Variants in FCAMR observed in about 807,000 individuals in gnomAD.
FCAMR encodes the protein Fc alpha and mu receptor.
Under a neutral mutation model 52.2 loss-of-function variants are expected in FCAMR, and 51 were observed. The ratio of observed to expected loss-of-function variants is 0.98; its 90% confidence interval spans 0.78 to 1.23. The LOEUF is 1.23. FCAMR is among the 50% of genes most tolerant of loss of function. The probability of loss-of-function intolerance (pLI) is 0.00; values close to 1 mark genes in which losing one functional copy is unlikely to be tolerated. For missense variants in FCAMR, 719 were observed against 712.6 expected (o/e 1.01, Z -0.10); for synonymous variants, 282 against 262.0 (o/e 1.08, Z -0.74).
In FCAMR at chr1:206,958,291, G is replaced by A. The variant is rs2102613198; in HGVS notation, c.*225C>T. On this transcript the variant is annotated 3_prime_UTR_variant, in exon 8 of 8. Transcript: ENST00000324852. Reference sequence around the variant, plus strand: ...GACCTCTTCCAGTGTTTCATACACTGTTCTTGAAGTCTCCTTTGAGTCATC... The same window carrying A: ...GACCTCTTCCAGTGTTTCATACACTATTCTTGAAGTCTCCTTTGAGTCATC... 1 of 539,512 alleles carries A rather than the reference G, an allele frequency of 1.9e-6. No homozygotes were observed. The highest frequency in any genetic ancestry group is 3.3e-6 in the Non-Finnish European group (1 of 305,354). 33.4% of individuals were successfully genotyped at this position (539,512 alleles called of 1,614,324 possible).
At position 206,958,769 on chromosome 1, in the gene FCAMR, C is replaced by T. The variant is rs762501685; in HGVS notation, c.1574-93G>A. The T allele has an allele frequency of 1.9e-6, 3 of 1,543,540 alleles. No homozygotes were observed. The African/African-American group carries it at 4.1e-5, about 21-fold the overall frequency. Reference sequence around the variant, plus strand: ...ACCACTCCCAACCACTGCAAGTTTTCAAGAACTTTCTGACACAGAAGCAAT... The same window carrying T: ...ACCACTCCCAACCACTGCAAGTTTTTAAGAACTTTCTGACACAGAAGCAAT... On this transcript the variant is annotated intron_variant, in intron 7 of 7. Transcript: ENST00000324852.
chr1:206,970,258 G>T lies in FCAMR; in HGVS notation c.-133C>A. ...GGTGGTATTTTGGAAAGCAGCTGGA[G>T]CTAGCAACGGAAGGTCGGGGTGCAA... On this transcript the variant is annotated 5_prime_UTR_variant, in exon 1 of 8. Transcript: ENST00000324852. The T allele has an allele frequency of 1.0e-6, 1 of 990,818 alleles. No homozygotes were observed. Among genetic ancestry groups the T allele is most frequent in the Non-Finnish European group, 1.5e-6 (1 of 660,728 alleles). The allele number at this position is 990,818 out of a possible 1,614,324, so 61.4% of individuals were successfully genotyped here.
chr1:206,960,650 G>A lies in FCAMR; in HGVS notation c.1226C>T (p.Thr409Ile). The A allele has an allele frequency of 1.3e-6, 2 of 1,551,942 alleles. No homozygotes were observed. The highest frequency in any genetic ancestry group is 1.2e-5 in the South Asian group (1 of 84,066). ...GGTCCACATGCCTGCAGCTGGAGTT[G>A]TTTCTCCAATGGAACCCTGAGATTG... is the stretch of plus-strand genomic sequence containing the variant. ...KQQSQGSIGE[T>I]TPAAGMWTLG... Residue 409 changes from threonine to isoleucine, a missense_variant, in exon 6 of 8, where the codon ACA (threonine) becomes ATA (isoleucine). Coordinates refer to ENST00000324852, the MANE Select transcript of FCAMR (RefSeq NM_001170631.2).
rs977980801 is a variant in FCAMR at position 206,960,760 on chromosome 1, G to A, written c.1116C>T (p.Val372=). Residue 372 remains valine (V), a synonymous_variant, in exon 6 of 8, where the codon GTC becomes GTT. Coordinates refer to ENST00000324852, the MANE Select transcript of FCAMR (RefSeq NM_001170631.2). ...GAGCTGGTGGCCCAATGGTTCCTAG[G>A]ACCTTTTTGGCTGCATCAAGAGCTA... ...VRIALDAAKK[V]LGTIGPPALV... 7.1e-6 allele frequency: 11 copies of A among 1,552,258 alleles called. No homozygotes were observed. Among genetic ancestry groups the A allele is most frequent in the African/African-American group, 1.4e-5 (1 of 73,040 alleles).
chr1:206,966,675 C>T (rs767306665), intron 3 of FCAMR, among the ~76,000 whole-genome samples: 6 of 152,150 alleles, frequency 3.9e-5, no homozygotes, highest in Non-Finnish European at 7.3e-5. Context: ...TGAGCCATCA[C>T]GTCCGACCTT....
At chr1:206,963,540 A>G (rs573368067) in intron 4 of FCAMR, among the ~76,000 whole-genome samples, 1 of 152,274 alleles carries the variant, frequency 6.6e-6, no homozygotes, top group East Asian at 1.9e-4. Flanking sequence ...AAACTTATAC[A>G]TCCAGTCCAG....
In FCAMR at chr1:206,958,546, C is replaced by A; in HGVS notation, c.1704G>T (p.Leu568=). The A allele has an allele frequency of 6.2e-7, 1 of 1,612,920 alleles. No homozygotes were observed. The highest frequency in any genetic ancestry group is 8.5e-7 in the Non-Finnish European group (1 of 1,179,852). The change falls in exon 8 of 8, where the codon CTG becomes CTT. Residue 568 remains leucine (L), a synonymous_variant. Coordinates refer to ENST00000324852, the MANE Select transcript of FCAMR (RefSeq NM_001170631.2). ...GTCCTGGATTTCTCTCTGGGGCAGT[C>A]AGGCTGGCCCCAGCAGGAAGAGAGT... The part of the protein sequence containing the change: ...QDDSLPAGAS[L]TAPERNPGP
rs775646044 is a variant in FCAMR, at chr1:206,967,582, C to G, written c.108+1G>C. The G allele has an allele frequency of 3.3e-5, 53 of 1,613,920 alleles. No individual in the cohort carries two copies. Among genetic ancestry groups the G allele is most frequent in the Admixed American group, 1.8e-4 (11 of 60,014 alleles). ...CAAGGGGTTGTTGTTACACAACTTA[C>G]GTGAGATTGTGGTAAAGTGCCAGCA... On this transcript the variant is annotated splice_donor_variant, in intron 2 of 7. Transcript: ENST00000324852. LOFTEE classifies it high-confidence loss of function.
Position 206,958,438 on chromosome 1 carries a change from G to A in FCAMR, c.*78C>T. 1 of 1,426,666 alleles carries A rather than the reference G, an allele frequency of 7.0e-7. No individual in the cohort carries two copies. The allele number at this position is 1,426,666 out of a possible 1,614,324, so 88.4% of individuals were successfully genotyped here. ...TTCCCACAGGTGGAGGAAGGATGAT[G>A]GAAAGAGGCTGGGGTCCTGAAGGCC... is the stretch of plus-strand genomic sequence containing the variant. On this transcript the variant is annotated 3_prime_UTR_variant, in exon 8 of 8. Transcript: ENST00000324852.
intron 6 of FCAMR, 32 bp downstream of exon 6, chr1:206,960,390 C>T: frequency 6.8e-7 from 1 of 1,462,920 alleles, no homozygotes; most frequent in Non-Finnish European, 9.0e-7. Flanking sequence ...AGATGTGGGG[C>T]CCCCCAACCG....
At chr1:206,967,889 A>C (rs2000056) in intron 1 of FCAMR, among the ~76,000 whole-genome samples, 1 of 152,128 alleles carries the variant, frequency 6.6e-6, no homozygotes, top group African/African-American at 2.4e-5. Context: ...CAGAGGGGAC[A>C]GCTTTGTATT....
In FCAMR at chr1:206,961,036, T is replaced by C; in HGVS notation, c.840A>G (p.Gly280=). 5 of 1,551,926 alleles carry C rather than the reference T, an allele frequency of 3.2e-6. No homozygotes were observed. Among genetic ancestry groups the C allele is most frequent in the Non-Finnish European group, 4.4e-6 (5 of 1,147,046 alleles). The part of the protein sequence containing the change: ...GTSKTTASAE[G]RRTPGATRPA... The stretch of plus-strand genomic sequence containing the variant: ...GCCTGGTTGCTCCTGGGGTTCGTCT[T>C]CCCTCAGCTGAAGCTGTAGTCTTGC... Residue 280 remains glycine (G), a synonymous_variant, in exon 6 of 8, where the codon GGA becomes GGG. Coordinates refer to ENST00000324852, the MANE Select transcript of FCAMR (RefSeq NM_001170631.2).
At chr1:206,967,251 A>G in intron 2 of FCAMR, 139 bp from the exon 3 acceptor site, 5 of 797,198 alleles carry the variant, frequency 6.3e-6, no homozygotes, top group Non-Finnish European at 8.3e-6. Flanking sequence ...TCTGAGAGTA[A>G]GACAAGCACT....
intron 3 of FCAMR, 69 bp downstream of exon 3, chr1:206,966,983 T>A: frequency 1.3e-6 from 2 of 1,548,674 alleles, no homozygotes; most frequent in Non-Finnish European, 1.8e-6. Flanking sequence ...TGTGAGGACC[T>A]TTAGGGCAGC....
chr1:206,961,056 T>C lies in FCAMR; in HGVS notation c.820A>G (p.Thr274Ala). ...CGTCTTCCCTCAGCTGAAGCTGTAG[T>C]CTTGCTGGTTCCTGGAGTGGAAGCA... ...TVASTPGTSK[T>A]TASAEGRRTP... The change falls in exon 6 of 8, where the codon ACT becomes GCT. Residue 274 changes from threonine (T) to alanine (A), a missense_variant. Transcript: ENST00000324852. 1 of 1,551,892 alleles carries C rather than the reference T, an allele frequency of 6.4e-7. No homozygotes were observed. Among genetic ancestry groups the C allele is most frequent in the Non-Finnish European group, 8.7e-7 (1 of 1,147,042 alleles).
Position 206,959,746 on chromosome 1 carries a change from G to A in FCAMR, c.1506C>T (p.Thr502=), listed in dbSNP as rs1174230066. 3.1e-6 allele frequency: 5 copies of A among 1,614,026 alleles called. No individual in the cohort carries two copies. The highest frequency in any genetic ancestry group is 3.4e-6 in the Non-Finnish European group (4 of 1,180,032). Residue 502 remains threonine (T), a synonymous_variant, in exon 7 of 8, where the codon ACC becomes ACT. Coordinates refer to ENST00000324852, the MANE Select transcript of FCAMR (RefSeq NM_001170631.2). ...CCATAAGCATAAACAGGGCCAGCAT[G>A]GTAGAGACAGGAGCCAGGGTCCGAG... ...SSSRTLAPVS[T]MLALFMLMAL...
intron 2 of FCAMR, among the ~76,000 whole-genome samples, chr1:206,967,339 G>C (rs1680754024): frequency 1.3e-5 from 2 of 152,140 alleles, no homozygotes; most frequent in African/African-American, 4.8e-5. Flanking sequence ...AGGCCAAAAT[G>C]TCCCTTACCC....
Position 206,958,332 on chromosome 1 carries a change from G to A in FCAMR, c.*184C>T, listed in dbSNP as rs531170263. ...TTGAGTCATCTTGTCACCTTTGGAC[G>A]TGGATAATGCTTGACTTTCTTGGGC... On this transcript the variant is annotated 3_prime_UTR_variant, in exon 8 of 8. Coordinates refer to ENST00000324852, the MANE Select transcript of FCAMR (RefSeq NM_001170631.2). 7 of 626,366 alleles carry A rather than the reference G, an allele frequency of 1.1e-5. No individual in the cohort carries two copies. Among genetic ancestry groups the A allele is most frequent in the East Asian group, 2.8e-5 (1 of 35,602 alleles). 38.8% of individuals were successfully genotyped at this position (626,366 alleles called of 1,614,324 possible).
Position 206,965,718 on chromosome 1 carries a change from C to T in FCAMR, c.310G>A (p.Ala104Thr). 1.3e-6 allele frequency: 2 copies of T among 1,568,260 alleles called. No individual in the cohort carries two copies. Among genetic ancestry groups the T allele is most frequent in the Non-Finnish European group, 1.7e-6 (2 of 1,163,344 alleles). Residue 104 changes from alanine to threonine, a missense_variant, in exon 4 of 8, where the codon GCA becomes ACA. By Grantham distance (58) the Ala-to-Thr change is moderately conservative. Transcript: ENST00000324852. Reference sequence around the variant, plus strand: ...AAAGGGAGAGTAGGGGTTGTACCTGCAAAGGAGCTCTCCTCCCGCCAGCAG... The same window carrying T: ...AAAGGGAGAGTAGGGGTTGTACCTGTAAAGGAGCTCTCCTCCCGCCAGCAG... ...PLCWREESSF[A>T]APNSLKGSRL...
Sources: gnomAD v4.1 joint callset for allele counts (sites outside exome capture counted in the v4.1 genomes callset) on GRCh38, gnomAD v4.1.1 for gene constraint, MANE v1.5 for transcripts, NCBI Gene and HGNC (gene_info 2026-07-23, HGNC 2026-07-21) for gene names.